ADGRL3: variants seen among roughly 807,000 people sequenced by gnomAD.
ADGRL3 encodes adhesion G protein-coupled receptor L3.
In ADGRL3, 62 loss-of-function variants were observed where a neutral mutation model predicts 153.5. The ratio of observed to expected loss-of-function variants is 0.40; its 90% confidence interval spans 0.33 to 0.50. The LOEUF (loss-of-function observed/expected upper bound fraction) is 0.50. Ranked by LOEUF, ADGRL3 falls within the 20% of genes least tolerant of loss-of-function variation. The probability of loss-of-function intolerance (pLI) is 0.47; values close to 1 mark genes in which losing one functional copy is unlikely to be tolerated. For missense variants in ADGRL3, 1,641 were observed against 1,859.4 expected (o/e 0.88, Z 2.16); for synonymous variants, 710 against 672.5 (o/e 1.06, Z -0.86).
chr4:61,674,189 GATA>G (rs2095108621), intron 5 of ADGRL3, among the ~76,000 whole-genome samples: 1 of 132,632 alleles, frequency 7.5e-6, no homozygotes, highest in African/African-American at 2.7e-5. Context: ...TAGATAGATA[GATA>G]GATGTGTATA....
chr4:61,515,917 C>T (rs562913592), intron 3 of ADGRL3, among the ~76,000 whole-genome samples: 5 of 152,144 alleles, frequency 3.3e-5, no homozygotes, highest in Non-Finnish European at 7.4e-5. Context: ...TGTTGATTTT[C>T]GCAGCTTTTT....
rs1258507279 is a variant in ADGRL3 at position 62,074,135 on chromosome 4, T to A, written c.*3227T>A. On this transcript the variant is annotated 3_prime_UTR_variant, in exon 27 of 27. Transcript: ENST00000683033. Reference sequence around the variant, plus strand: ...CCTTTTGTGACTCAATTTTTTAAGATCCTGAGACATTTATGACCTGCTTAT... The same window carrying A: ...CCTTTTGTGACTCAATTTTTTAAGAACCTGAGACATTTATGACCTGCTTAT... 1 of 152,084 alleles carries A rather than the reference T, an allele frequency of 6.6e-6. No individual in the cohort carries two copies. The highest frequency in any genetic ancestry group is 1.9e-4 in the East Asian group (1 of 5,176). The allele number at this position is 152,084 out of a possible 1,614,324, so 9.4% of individuals were successfully genotyped here. A position where few individuals can be genotyped will look rare whatever the true frequency, so the allele number is the denominator to read the frequency against.
chr4:61,220,653 C>T (rs1745041871), intron 1 of ADGRL3, among the ~76,000 whole-genome samples: 1 of 152,080 alleles, frequency 6.6e-6, no homozygotes, highest in South Asian at 2.1e-4. Context: ...CCCCTTTGCT[C>T]CTGCTCTTTT....
chr4:62,057,988 T>C (rs1309912543), intron 25 of ADGRL3, among the ~76,000 whole-genome samples: 1 of 152,138 alleles, frequency 6.6e-6, no homozygotes, highest in African/African-American at 2.4e-5. Flanking sequence ...TTGATACACA[T>C]ATGTTGTAAT....
At chr4:61,714,376 AC>A (rs1470083396) in intron 6 of ADGRL3, among the ~76,000 whole-genome samples, 4 of 141,550 alleles carry the variant, frequency 2.8e-5, no homozygotes, top group Admixed American at 2.4e-4. Context: ...ACACACACAA[AC>A]ACACACACAC....
At chr4:61,782,302 G>A (rs1359614309) in intron 8 of ADGRL3, among the ~76,000 whole-genome samples, 4 of 152,092 alleles carry the variant, frequency 2.6e-5, no homozygotes, top group Admixed American at 2.0e-4. Context: ...TTGCTGAGCT[G>A]TATAAACAAT....
At chr4:62,031,155 A>C (rs113638805) in intron 22 of ADGRL3, among the ~76,000 whole-genome samples, 1 of 151,710 alleles carries the variant, frequency 6.6e-6, no homozygotes, top group African/African-American at 2.4e-5. Context: ...ATTACACCTC[A>C]TGCCATTTGC....
chr4:61,981,481 T>C (rs1321101631), intron 18 of ADGRL3, among the ~76,000 whole-genome samples: 2 of 151,834 alleles, frequency 1.3e-5, no homozygotes, highest in Non-Finnish European at 2.9e-5. Context: ...CCTTGTACGT[T>C]ATTGCAACCT....
chr4:61,729,630 G>A (rs927942369), intron 6 of ADGRL3, among the ~76,000 whole-genome samples: 1 of 151,736 alleles, frequency 6.6e-6, no homozygotes, highest in Non-Finnish European at 1.5e-5. Flanking sequence ...TTGTGAACTC[G>A]TTCTTCCCTG....
intron 4 of ADGRL3, among the ~76,000 whole-genome samples, chr4:61,525,986 A>G (rs1056441727): frequency 1.3e-5 from 2 of 152,224 alleles, no homozygotes; most frequent in East Asian, 3.9e-4. Flanking sequence ...TTGATTGGGG[A>G]TGATGAGATT....
chr4:61,776,934 A>G (rs1469425723), intron 8 of ADGRL3, among the ~76,000 whole-genome samples: 2 of 152,232 alleles, frequency 1.3e-5, no homozygotes, highest in Non-Finnish European at 2.9e-5. Context: ...TTAAATAAAC[A>G]TATATAATGA....
At chr4:61,471,227 T>C (rs1020307382) in intron 2 of ADGRL3, among the ~76,000 whole-genome samples, 1 of 151,848 alleles carries the variant, frequency 6.6e-6, no homozygotes, top group East Asian at 1.9e-4. Context: ...CAACAGTCTA[T>C]ATTTTCCATG....
intron 5 of ADGRL3, among the ~76,000 whole-genome samples, chr4:61,604,143 G>A (rs922887003): frequency 6.6e-6 from 1 of 152,104 alleles, no homozygotes. Flanking sequence ...AGGTTAAAAG[G>A]CCACAAAGTG....
At chr4:61,518,224 A>T (rs1205515248) in intron 4 of ADGRL3, among the ~76,000 whole-genome samples, 1 of 152,182 alleles carries the variant, frequency 6.6e-6, no homozygotes, top group Non-Finnish European at 1.5e-5. Flanking sequence ...TTTTTCTCAC[A>T]AAACTTCATA....
At chr4:61,561,626 T>C (rs1396099368) in intron 4 of ADGRL3, among the ~76,000 whole-genome samples, 1 of 152,088 alleles carries the variant, frequency 6.6e-6, no homozygotes, top group East Asian at 1.9e-4. Flanking sequence ...ATTGGTTAAA[T>C]CTTTATAGAG....
intron 18 of ADGRL3, 47 bp downstream of exon 18, chr4:61,979,819 C>T (rs545511411): frequency 6.8e-7 from 1 of 1,472,038 alleles, no homozygotes; most frequent in Non-Finnish European, 9.5e-7. Flanking sequence ...CCACTTCCAG[C>T]TTTTCAGTAG....
intron 1 of ADGRL3, among the ~76,000 whole-genome samples, chr4:61,244,903 T>G (rs985586036): frequency 6.6e-6 from 1 of 152,062 alleles, no homozygotes; most frequent in African/African-American, 2.4e-5. Context: ...TTGTATGCTA[T>G]ATTGCTGGTA....
At chr4:61,235,839 G>A (rs1752570186) in intron 1 of ADGRL3, among the ~76,000 whole-genome samples, 1 of 151,970 alleles carries the variant, frequency 6.6e-6, no homozygotes, top group South Asian at 2.1e-4. Context: ...CTAGTAGGTG[G>A]GACCCCTAAT....
At chr4:61,449,079 A>T (rs2152509591) in intron 2 of ADGRL3, among the ~76,000 whole-genome samples, 1 of 151,962 alleles carries the variant, frequency 6.6e-6, no homozygotes, top group African/African-American at 2.4e-5. Flanking sequence ...ACCTTTAGAG[A>T]TCTTCTAATT....
Sources: allele counts gnomAD v4.1 joint callset (sites outside exome capture counted in the v4.1 genomes callset), GRCh38; gene constraint gnomAD v4.1.1; transcripts MANE v1.5; gene names NCBI Gene and HGNC (gene_info 2026-07-23, HGNC 2026-07-21).